GATD1: variants seen among roughly 807,000 people sequenced by gnomAD.
GATD1 encodes glutamine amidotransferase class 1 domain containing 1, also known as glutamine amidotransferase-like class 1 domain-containing protein 1.
GATD1 carries 23 observed loss-of-function variants against 25.9 expected under a neutral mutation model. That is an observed-to-expected ratio of 0.89 (90% CI 0.64 to 1.26). The LOEUF (loss-of-function observed/expected upper bound fraction) is 1.26, where lower values mean the gene tolerates loss of function less well. GATD1 is among the 50% of genes most tolerant of loss of function. GATD1 has a pLI of 0.00. For synonymous variants in GATD1, 177 were observed against 134.6 expected (o/e 1.31, Z -2.18); for missense variants, 347 against 312.5 (o/e 1.11, Z -0.83).
rs951682535 is a variant in GATD1 at position 777,430 on chromosome 11, G to A, written c.33C>T (p.Ala11=). The A allele has an allele frequency of 2.3e-6, 3 of 1,277,154 alleles. No individual in the cohort carries two copies. Among genetic ancestry groups the A allele is most frequent in the African/African-American group, 3.1e-5 (2 of 63,868 alleles). 79.1% of individuals were successfully genotyped at this position (1,277,154 alleles called of 1,614,324 possible). MASERLPNRP[A]CLLVASGAAE... ...CGGCGCCGCTGGCCACGAGCAGACA[G>A]GCGGGCCTGTTAGGGAGCCGCTCGG... is the stretch of plus-strand genomic sequence containing the variant. The change falls in exon 1 of 8, where the codon GCC becomes GCT. Residue 11 remains alanine (A), a synonymous_variant. Coordinates refer to ENST00000319863, the MANE Select transcript of GATD1 (RefSeq NM_182612.4).
At position 767,747 on chromosome 11, in the gene GATD1, C is replaced by A. The variant is rs758631710; in HGVS notation, c.*3150G>T. The A allele has an allele frequency of 3.6e-5, 19 of 521,936 alleles. No individual in the cohort carries two copies. The highest frequency in any genetic ancestry group is 1.5e-4 in the Admixed American group (3 of 19,386). 32.3% of individuals were successfully genotyped at this position (521,936 alleles called of 1,614,324 possible). On this transcript the variant is annotated 3_prime_UTR_variant, in exon 8 of 8. Coordinates refer to ENST00000319863, the MANE Select transcript of GATD1 (RefSeq NM_182612.4). The stretch of plus-strand genomic sequence containing the variant: ...CACAGCCTCATCATGGGACCATCAC[C>A]CTCACAAAAGAGGTTGCATCTACTG...
rs201179460 is a variant in GATD1 at position 771,408 on chromosome 11, C to T, written c.469G>A (p.Val157Ile). The T allele has an allele frequency of 4.5e-5, 70 of 1,554,710 alleles. No homozygotes were observed. Among genetic ancestry groups the T allele is most frequent in the East Asian group, 4.0e-4 (18 of 44,488 alleles). ...SLTGPSVCEL[V>I]RAPGFARLPL... ...AGGCGGGCGAAGCCGGGGGCCCTGA[C>T]GAGCTCACACACAGAGGGCTGCGGG... Residue 157 changes from valine (V) to isoleucine (I), a missense_variant, in exon 6 of 8, where the codon GTC becomes ATC. Val to Ile is a conservative substitution (Grantham distance 29). Coordinates refer to ENST00000319863, the MANE Select transcript of GATD1 (RefSeq NM_182612.4).
At chr11:772,650 T>G in intron 4 of GATD1, 129 bp from the exon 5 acceptor site, 1 of 809,500 alleles carries the variant, frequency 1.2e-6, no homozygotes, top group Non-Finnish European at 2.0e-6. Flanking sequence ...CAGGTTTCCC[T>G]GGAAACTGGA....
chr11:775,732 C>A (rs1010664818), intron 1 of GATD1, among the ~76,000 whole-genome samples: 1 of 152,110 alleles, frequency 6.6e-6, no homozygotes, highest in Non-Finnish European at 1.5e-5. Context: ...TTATACCCCT[C>A]CCCCGCCAGC....
rs753385197 is a variant in GATD1 at position 774,030 on chromosome 11, G to A, written c.225C>T (p.Pro75=). Residue 75 remains proline (P), a synonymous_variant, in exon 3 of 8, where the codon CCC becomes CCT. Coordinates refer to ENST00000319863, the MANE Select transcript of GATD1 (RefSeq NM_182612.4). ...TACCATCGATGGACTCGAGCTTGGCGGGGCTGGCGTAAGCCTTGAGGCGGA... is the reference window on the plus strand; with the variant it reads ...TACCATCGATGGACTCGAGCTTGGCAGGGCTGGCGTAAGCCTTGAGGCGGA... ...QDFRLKAYAS[P]AKLESIDGAR... 20 of 1,613,482 alleles carry A rather than the reference G, an allele frequency of 1.2e-5. No individual in the cohort carries two copies. Among genetic ancestry groups the A allele is most frequent in the African/African-American group, 5.3e-5 (4 of 74,920 alleles).
intron 2 of GATD1, among the ~76,000 whole-genome samples, chr11:774,343 A>G (rs753388183): frequency 1.2e-4 from 18 of 152,222 alleles, no homozygotes; most frequent in Admixed American, 2.0e-4. Context: ...TTTTATACAT[A>G]ATAAATAAAC....
chr11:774,034 C>T lies in GATD1; in HGVS notation c.221G>A (p.Ser74Asn). Reference protein sequence around the residue: ...VQDFRLKAYASPAKLESIDGA... With the variant: ...VQDFRLKAYANPAKLESIDGA... ...ATCGATGGACTCGAGCTTGGCGGGG[C>T]TGGCGTAAGCCTTGAGGCGGAAGTC... Residue 74 changes from serine (S) to asparagine (N), a missense_variant, in exon 3 of 8, where the codon AGC becomes AAC. Coordinates refer to ENST00000319863, the MANE Select transcript of GATD1 (RefSeq NM_182612.4). 1 of 1,613,632 alleles carries T rather than the reference C, an allele frequency of 6.2e-7. No homozygotes were observed. Among genetic ancestry groups the T allele is most frequent in the Non-Finnish European group, 8.5e-7 (1 of 1,180,000 alleles).
chr11:775,171 C>T (rs375556142), intron 1 of GATD1, 29 bp from the exon 2 acceptor site: 13 of 1,575,536 alleles, frequency 8.3e-6, no homozygotes, highest in East Asian at 2.3e-5. Context: ...AGTGTGGGCT[C>T]GACAGGACTA....
chr11:770,396 C>T lies in GATD1; in HGVS notation c.*501G>A, dbSNP rs1199005609. On this transcript the variant is annotated 3_prime_UTR_variant, in exon 8 of 8. Transcript: ENST00000319863. Reference sequence around the variant, plus strand: ...TCGGCCTTGGGGCAGGAGGCTGCTGCTCCTAAAAAATTCCGTTCACCTTTG... The same window carrying T: ...TCGGCCTTGGGGCAGGAGGCTGCTGTTCCTAAAAAATTCCGTTCACCTTTG... 2 of 1,524,118 alleles carry T rather than the reference C, an allele frequency of 1.3e-6. No homozygotes were observed. The highest frequency in any genetic ancestry group is 1.7e-4 in the Middle Eastern group (1 of 5,922). 94.4% of individuals were successfully genotyped at this position (1,524,118 alleles called of 1,614,324 possible).
rs1157438209 is a variant in GATD1, at chr11:767,276, A to G, written c.*3621T>C. 1.3e-6 allele frequency: 2 copies of G among 1,536,062 alleles called. No homozygotes were observed. The highest frequency in any genetic ancestry group is 2.7e-5 in the African/African-American group (2 of 73,050). On this transcript the variant is annotated 3_prime_UTR_variant, in exon 8 of 8. Coordinates refer to ENST00000319863, the MANE Select transcript of GATD1 (RefSeq NM_182612.4). ...CATGGGTAGATGAACACACACTGGT[A>G]TATGGGGAAATCCTCACCCGCCCTC...
Position 771,001 on chromosome 11 carries a change from A to G in GATD1, c.648T>C (p.Cys216=), listed in dbSNP as rs1159035531. The G allele has an allele frequency of 6.2e-7, 1 of 1,613,278 alleles. No homozygotes were observed. Among genetic ancestry groups the G allele is most frequent in the African/African-American group, 1.3e-5 (1 of 74,932 alleles). ...CACCCTGGTGCCCTCACCGGCTGCC[A>G]CAGAGGAAGAGCAGGTTCTGCACGG... ...VPAVQNLLFL[C]GSRK The change falls in exon 7 of 8, where the codon TGT becomes TGC. Residue 216 remains cysteine (C), a synonymous_variant. Coordinates refer to ENST00000319863, the MANE Select transcript of GATD1 (RefSeq NM_182612.4).
Position 770,745 on chromosome 11 carries a change from T to G in GATD1, c.*152A>C. 6.7e-7 allele frequency: 1 copy of G among 1,497,432 alleles called. No homozygotes were observed. The highest frequency in any genetic ancestry group is 1.4e-5 in the South Asian group (1 of 73,810). The allele number at this position is 1,497,432 out of a possible 1,614,324, so 92.8% of individuals were successfully genotyped here. On this transcript the variant is annotated 3_prime_UTR_variant, in exon 8 of 8. Coordinates refer to ENST00000319863, the MANE Select transcript of GATD1 (RefSeq NM_182612.4). ...GAGCCGACACCCCCTCAGAGCTGAT[T>G]CCAGGAGGCCTCCAACAATCCCATC...
chr11:769,179 G>T lies in GATD1; in HGVS notation c.*1718C>A. The T allele has an allele frequency of 1.0e-6, 1 of 985,412 alleles. No homozygotes were observed. Among genetic ancestry groups the T allele is most frequent in the South Asian group, 4.7e-5 (1 of 21,286 alleles). 61.0% of individuals were successfully genotyped at this position (985,412 alleles called of 1,614,324 possible). ...GGGATGAGAGTGGACCCGGGACAGA[G>T]CAAGGCCCCGTGGCCAGTGCTAAGT... is the stretch of plus-strand genomic sequence containing the variant. On this transcript the variant is annotated 3_prime_UTR_variant, in exon 8 of 8. Transcript: ENST00000319863.
In GATD1 at chr11:772,036, T is replaced by A. The variant is rs549722585; in HGVS notation, c.450+391A>T. Among the ~76,000 whole-genome samples the A allele has an allele frequency of 3.3e-5, 5 of 152,264 alleles. No homozygotes were observed. In the East Asian group the frequency reaches 9.7e-4, roughly 29 times the overall value. On this transcript the variant is annotated intron_variant, in intron 5 of 7. Coordinates refer to ENST00000319863, the MANE Select transcript of GATD1 (RefSeq NM_182612.4). ...CACTTCACAGCCTTTGGGCCTCAGA[T>A]TGACAAAGGCTGTGTCTCCGAGGAC...
At position 769,954 on chromosome 11, in the gene GATD1, AG is replaced by A; in HGVS notation, c.*942del. On this transcript the variant is annotated 3_prime_UTR_variant, in exon 8 of 8. Transcript: ENST00000319863. ...TTATAATCACAAGGGGCCTCCTGGC[AG>A]GTCACTGGCACCAGGAGCCACGCTG... The A allele has an allele frequency of 9.9e-7, 1 of 1,009,564 alleles. No individual in the cohort carries two copies. Among genetic ancestry groups the A allele is most frequent in the Non-Finnish European group, 1.2e-6 (1 of 846,222 alleles). The allele number at this position is 1,009,564 out of a possible 1,614,324, so 62.5% of individuals were successfully genotyped here. A position where few individuals can be genotyped will look rare whatever the true frequency, so the allele number is the denominator to read the frequency against.
chr11:771,190 G>A, intron 6 of GATD1, 86 bp from the exon 7 acceptor site: 3 of 1,544,638 alleles, frequency 1.9e-6, no homozygotes, highest in African/African-American at 1.4e-5. Context: ...CCCAGGGTCA[G>A]CAGTAGGTCA....
chr11:771,549 C>T, intron 5 of GATD1, 123 bp from the exon 6 acceptor site: 2 of 1,422,404 alleles, frequency 1.4e-6, no homozygotes, highest in Non-Finnish European at 1.8e-6. Flanking sequence ...GGTGTCACTG[C>T]TCATAACAGG....
rs909263690 is a variant in GATD1, at chr11:777,432, C to T, written c.31G>A (p.Ala11Thr). 7.8e-6 allele frequency: 10 copies of T among 1,275,870 alleles called. No individual in the cohort carries two copies. In the East Asian group the frequency reaches 1.0e-4, roughly 13 times the overall value. The allele number at this position is 1,275,870 out of a possible 1,614,324, so 79.0% of individuals were successfully genotyped here. MASERLPNRPACLLVASGAAE... is the reference protein window; with the variant it reads MASERLPNRPTCLLVASGAAE... ...GCGCCGCTGGCCACGAGCAGACAGG[C>T]GGGCCTGTTAGGGAGCCGCTCGGAC... Residue 11 changes from alanine (A) to threonine (T), a missense_variant, in exon 1 of 8, where the codon GCC becomes ACC. Physicochemically the swap from Ala to Thr is moderately conservative, Grantham distance 58. Transcript: ENST00000319863.
rs1200012306 is a variant in GATD1, at chr11:769,137, A to AG, written c.*1759dup. ...TAAAATAAAAAGCATTTGTCCACAG[A>AG]GGTCCATCACCACACGGGGATGAGA... On this transcript the variant is annotated 3_prime_UTR_variant, in exon 8 of 8. Transcript: ENST00000319863. 2.4e-5 allele frequency: 24 copies of AG among 985,120 alleles called. No individual in the cohort carries two copies. The highest frequency in any genetic ancestry group is 2.9e-5 in the Non-Finnish European group (24 of 829,800). The allele number at this position is 985,120 out of a possible 1,614,324, so 61.0% of individuals were successfully genotyped here. A position where few individuals can be genotyped will look rare whatever the true frequency, so the allele number is the denominator to read the frequency against.
Sources: gnomAD v4.1 joint callset for allele counts (sites outside exome capture counted in the v4.1 genomes callset) on GRCh38, gnomAD v4.1.1 for gene constraint, MANE v1.5 for transcripts, NCBI Gene and HGNC (gene_info 2026-07-23, HGNC 2026-07-21) for gene names.